The following ATF7 variants were observed in gnomAD, a reference collection of about 807,000 sequenced individuals.
ATF7 encodes cyclic AMP-dependent transcription factor ATF-7.
ATF7 carries 10 observed loss-of-function variants against 50.4 expected under a neutral mutation model. That is an observed-to-expected ratio of 0.20 (90% confidence interval 0.12 to 0.34). The LOEUF is 0.34. ATF7 is among the 10% of genes least tolerant of loss of function. The pLI, the probability that ATF7 is intolerant of heterozygous loss-of-function variation, is 1.00. For synonymous variants in ATF7, 201 were observed against 226.4 expected (o/e 0.89, Z 1.01); for missense variants, 465 against 613.9 (o/e 0.76, Z 2.56).
chr12:53,595,402 G>C (rs1943113479), intron 2 of ATF7, among the ~76,000 whole-genome samples: 1 of 152,088 alleles, frequency 6.6e-6, no homozygotes, highest in Admixed American at 6.5e-5. Context: ...CAGATAATAG[G>C]GCAACTTGCC....
intron 1 of ATF7, among the ~76,000 whole-genome samples, chr12:53,621,947 T>C (rs1269062658): frequency 6.6e-6 from 1 of 152,062 alleles, no homozygotes; most frequent in Non-Finnish European, 1.5e-5. Context: ...TGAGGAACCA[T>C]AAACCACTCA....
At chr12:53,556,312 G>A (rs1035447608) in intron 2 of ATF7, among the ~76,000 whole-genome samples, 15 of 152,240 alleles carry the variant, frequency 9.9e-5, no homozygotes, top group African/African-American at 3.6e-4. Flanking sequence ...CTCTAGGCTG[G>A]GCATGGTGGC....
At chr12:53,562,223 C>T (rs1941165901) in intron 2 of ATF7, among the ~76,000 whole-genome samples, 1 of 152,240 alleles carries the variant, frequency 6.6e-6, no homozygotes, top group Non-Finnish European at 1.5e-5. Flanking sequence ...TTTGCTTGTT[C>T]ATGGACAAAT....
chr12:53,622,129 C>T (rs1325871011), intron 1 of ATF7, among the ~76,000 whole-genome samples: 2 of 151,800 alleles, frequency 1.3e-5, no homozygotes, highest in East Asian at 1.9e-4. Flanking sequence ...GGTGAAACCC[C>T]GTCTCTACTA....
Position 53,595,058 on chromosome 12 carries a change from A to G in ATF7, c.48+5895T>C, listed in dbSNP as rs920437044. Among the ~76,000 whole-genome samples, 7 of 152,352 alleles carry G rather than the reference A, an allele frequency of 4.6e-5. 1 individual carries two copies. The highest frequency in any genetic ancestry group is 4.1e-4 in the South Asian group (2 of 4,830). On this transcript the variant is annotated intron_variant, in intron 2 of 11. Transcript: ENST00000420353. ...GTTTAGCATTTGGCCTAATTTGTGTATAATGCCGTGTATTTTCAGCTGCCT... is the reference window on the plus strand; with the variant it reads ...GTTTAGCATTTGGCCTAATTTGTGTGTAATGCCGTGTATTTTCAGCTGCCT...
At chr12:53,599,639 T>C (rs1272964824) in intron 2 of ATF7, among the ~76,000 whole-genome samples, 2 of 152,198 alleles carry the variant, frequency 1.3e-5, no homozygotes, top group Non-Finnish European at 2.9e-5. Context: ...ATCTTCCTTC[T>C]GTTCATTCCT....
intron 2 of ATF7, among the ~76,000 whole-genome samples, chr12:53,557,534 C>T (rs868001471): frequency 3.0e-4 from 46 of 152,298 alleles, no homozygotes; most frequent in African/African-American, 1.0e-3. Flanking sequence ...AAGGATCTTC[C>T]TTTGTTCTTT....
chr12:53,548,246 A>G (rs1940081680), intron 3 of ATF7, among the ~76,000 whole-genome samples: 1 of 152,094 alleles, frequency 6.6e-6, no homozygotes, highest in Non-Finnish European at 1.5e-5. Context: ...GCCTCAAGCA[A>G]TCCTCCTACC....
At chr12:53,594,500 C>T (rs1943071227) in intron 2 of ATF7, among the ~76,000 whole-genome samples, 1 of 152,148 alleles carries the variant, frequency 6.6e-6, no homozygotes, top group Admixed American at 6.5e-5. Flanking sequence ...AAATAATCAA[C>T]TACATGTTTC....
At chr12:53,552,339 C>T (rs1940422522) in intron 3 of ATF7, among the ~76,000 whole-genome samples, 1 of 152,108 alleles carries the variant, frequency 6.6e-6, no homozygotes, top group South Asian at 2.1e-4. Context: ...AACCACAGAA[C>T]ACAACCTTGT....
chr12:53,543,577 T>G, intron 3 of ATF7, 129 bp from the exon 4 acceptor site: 1 of 1,076,498 alleles, frequency 9.3e-7, no homozygotes. Context: ...TAGGGCAAAT[T>G]TGCTTTAATG....
intron 3 of ATF7, among the ~76,000 whole-genome samples, chr12:53,551,777 C>T (rs1940371408): frequency 6.6e-6 from 1 of 151,970 alleles, no homozygotes; most frequent in Non-Finnish European, 1.5e-5. Flanking sequence ...AACTAAACAC[C>T]CTAGGAATTA....
At position 53,571,165 on chromosome 12, in the gene ATF7, T is replaced by TA. The variant is rs568888380; in HGVS notation, c.49-18529dup. Among the ~76,000 whole-genome samples the TA allele has an allele frequency of 6.1e-4, 93 of 151,878 alleles. 1 individual carries two copies. Among genetic ancestry groups the TA allele is most frequent in the Non-Finnish European group, 9.7e-4 (66 of 67,944 alleles). ...GAAAGACATAGAGATTGAAGTGATG[T>TA]AACCACAAGCCAAGAAATGCCGGCA... On this transcript the variant is annotated intron_variant, in intron 2 of 11. Coordinates refer to ENST00000420353, the MANE Select transcript of ATF7 (RefSeq NM_006856.3).
chr12:53,620,570 C>T (rs1304233478), intron 1 of ATF7, among the ~76,000 whole-genome samples: 2 of 117,694 alleles, frequency 1.7e-5, no homozygotes, highest in African/African-American at 3.3e-5. Flanking sequence ...AGCGAGACTC[C>T]GTCTCAAAAA....
At chr12:53,614,125 A>G (rs1944012125) in intron 1 of ATF7, among the ~76,000 whole-genome samples, 1 of 152,198 alleles carries the variant, frequency 6.6e-6, no homozygotes, top group African/African-American at 2.4e-5. Context: ...AAGCAGCTTC[A>G]TACAGGCAAC....
In ATF7 at chr12:53,524,354, A is replaced by T. The variant is rs1938310733; in HGVS notation, c.1125+210T>A. On this transcript the variant is annotated intron_variant, in intron 10 of 11. Coordinates refer to ENST00000420353, the MANE Select transcript of ATF7 (RefSeq NM_006856.3). This position sits in a 1 kb window ranked among gnomAD's most constrained non-coding sequence, Gnocchi z 4.6. ...TCCAAATGCGTTTAAGGATGACTCTAATAGGAGATTTGGGGGTAGATGGTG... is the reference window on the plus strand; with the variant it reads ...TCCAAATGCGTTTAAGGATGACTCTTATAGGAGATTTGGGGGTAGATGGTG... Among the ~76,000 whole-genome samples, 4 of 152,184 alleles carry T rather than the reference A, an allele frequency of 2.6e-5. No homozygotes were observed. The highest frequency in any genetic ancestry group is 5.9e-5 in the Non-Finnish European group (4 of 68,030).
rs1938994958 is a variant in ATF7 at position 53,524,200 on chromosome 12, T to C, written c.1125+364A>G. The stretch of plus-strand genomic sequence containing the variant: ...ATTCTATTTGTGCTTGTAGCACTTT[T>C]TTCTTTCTCTCTTTTATTAAGCTGC... On this transcript the variant is annotated intron_variant, in intron 10 of 11. Transcript: ENST00000420353. The surrounding 1 kb of genome is among the most constrained non-coding windows in gnomAD (Gnocchi z 4.6). Among the ~76,000 whole-genome samples the C allele has an allele frequency of 1.3e-5, 2 of 152,254 alleles. No individual in the cohort carries two copies. Among genetic ancestry groups the C allele is most frequent in the Admixed American group, 1.3e-4 (2 of 15,292 alleles).
At position 53,517,281 on chromosome 12, in the gene ATF7, A is replaced by T; in HGVS notation, c.1308T>A (p.Pro436=). The change falls in exon 12 of 12, where the codon CCT becomes CCA. Residue 436 remains proline, a synonymous_variant. Coordinates refer to ENST00000420353, the MANE Select transcript of ATF7 (RefSeq NM_006856.3). Reference sequence around the variant, plus strand: ...CAGAGCGAACACTGAGGCCATTGCTAGGGGCTGTTGCTGAGCTGTGCTGAA... The same window carrying T: ...CAGAGCGAACACTGAGGCCATTGCTTGGGGCTGTTGCTGAGCTGTGCTGAA... ...PVIQHSSATA[P]SNGLSVRSAA... 1 of 1,614,052 alleles carries T rather than the reference A, an allele frequency of 6.2e-7. No homozygotes were observed. The highest frequency in any genetic ancestry group is 8.5e-7 in the Non-Finnish European group (1 of 1,179,900).
chr12:53,572,266 G>T (rs758788724), intron 2 of ATF7, among the ~76,000 whole-genome samples: 18 of 152,166 alleles, frequency 1.2e-4, no homozygotes, highest in Admixed American at 5.9e-4. Context: ...TATCAGAGAA[G>T]TGAGTTCACA....
Sources: gnomAD v4.1 joint callset for allele counts (sites outside exome capture counted in the v4.1 genomes callset) on GRCh38, gnomAD v4.1.1 for gene constraint, Gnocchi (gnomAD v3.1) non-coding constraint, MANE v1.5 for transcripts, NCBI Gene and HGNC (gene_info 2026-07-23, HGNC 2026-07-21) for gene names.